C2CD3: variants seen among roughly 807,000 people sequenced by gnomAD.
C2CD3 encodes the protein C2 domain-containing protein 3.
A neutral mutation model predicts 234.0 loss-of-function variants in C2CD3; 148 were observed. That is an observed-to-expected ratio of 0.63 (90% CI 0.55 to 0.72). The LOEUF (loss-of-function observed/expected upper bound fraction) is 0.72, where lower values mean the gene tolerates loss of function less well. Ranked by LOEUF, C2CD3 falls within the 30% of genes least tolerant of loss-of-function variation. The pLI is 0.00. For missense variants in C2CD3, 2,577 were observed against 2,811.5 expected (o/e 0.92, Z 1.89); for synonymous variants, 1,000 against 1,035.4 (o/e 0.97, Z 0.66).
At chr11:74,123,985 C>T (rs1454956093) in intron 7 of C2CD3, among the ~76,000 whole-genome samples, 1 of 152,112 alleles carries the variant, frequency 6.6e-6, no homozygotes, top group Non-Finnish European at 1.5e-5. Flanking sequence ...CCCACCTTGG[C>T]CTCCCAAAGT....
At chr11:74,123,196 C>T in intron 7 of C2CD3, 61 bp from the exon 8 acceptor site, 7 of 1,267,984 alleles carry the variant, frequency 5.5e-6, no homozygotes, top group Non-Finnish European at 7.8e-6. Flanking sequence ...GAACTATTCT[C>T]TCTTTAGTGA....
At chr11:74,104,668 A>T (rs1527302) in intron 13 of C2CD3, among the ~76,000 whole-genome samples, 31,332 of 152,048 alleles carry the variant, frequency 0.21, 3,387 homozygotes, top group East Asian at 0.3. Flanking sequence ...AGAAAAGGGA[A>T]GCAGGATAAA....
intron 20 of C2CD3, among the ~76,000 whole-genome samples, chr11:74,086,971 ACTCTGG>A (rs1269032606): frequency 6.6e-6 from 1 of 152,074 alleles, no homozygotes; most frequent in Admixed American, 6.6e-5. Flanking sequence ...TTACCATGTG[ACTCTGG>A]ATAAGTTATT....
In C2CD3 at chr11:74,118,400, C is replaced by T. The variant is rs1441691034; in HGVS notation, c.1366-18G>A. 6.2e-7 allele frequency: 1 copy of T among 1,603,882 alleles called. No homozygotes were observed. Among genetic ancestry groups the T allele is most frequent in the Non-Finnish European group, 8.5e-7 (1 of 1,171,790 alleles). On this transcript the variant is annotated intron_variant, in intron 8 of 32. Coordinates refer to ENST00000334126, the MANE Select transcript of C2CD3 (RefSeq NM_001286577.2). ...TCAGATTTCTATGGAGAGGAAGAAA[C>T]AGAGACACTAAATGACTGCTGCTTT... is the stretch of plus-strand genomic sequence containing the variant.
chr11:74,164,363 G>A (rs1009086616), intron 2 of C2CD3: 5 of 330,612 alleles, frequency 1.5e-5, no homozygotes, highest in South Asian at 1.2e-4. Flanking sequence ...AGAATAAAAC[G>A]TAAAGGAAGA....
rs1952808485 is a variant in C2CD3, at chr11:74,037,695, C to A, written c.5664G>T (p.Lys1888Asn). ...GAATCTGATCAAGCTCACTCAGATT[C>A]TTCCTATAAACAAAAGGGGGAGAAG... is the stretch of plus-strand genomic sequence containing the variant. ...SQTSILTSLR[K>N]NLSELDQIQR... Residue 1888 changes from lysine (K) to asparagine (N), a missense_variant, in exon 30 of 33, where the codon AAG becomes AAT. By Grantham distance (94) the Lys-to-Asn change is moderately conservative (BLOSUM62 0). Transcript: ENST00000334126. The A allele has an allele frequency of 6.2e-7, 1 of 1,611,888 alleles. No individual in the cohort carries two copies. The highest frequency in any genetic ancestry group is 1.1e-5 in the South Asian group (1 of 90,960).
At chr11:74,119,902 C>T (rs1301180586) in intron 8 of C2CD3, among the ~76,000 whole-genome samples, 1 of 152,080 alleles carries the variant, frequency 6.6e-6, no homozygotes, top group Non-Finnish European at 1.5e-5. Flanking sequence ...TCCTGAAGTG[C>T]TGGGATTACA....
Position 74,033,687 on chromosome 11 carries a change from G to A in C2CD3, c.6473C>T (p.Ala2158Val), listed in dbSNP as rs1565211499. 1 of 1,536,232 alleles carries A rather than the reference G, an allele frequency of 6.5e-7. No individual in the cohort carries two copies. Among genetic ancestry groups the A allele is most frequent in the Middle Eastern group, 1.7e-4 (1 of 5,992 alleles). ...CTCGCCACCAACCCTGGCCTTAGAG[G>A]CCTCACACTCACAAGCAACAAGACT... ...SQSLVACECE[A>V]SKARVGGESA... The change falls in exon 31 of 33, where the codon GCC becomes GTC. Residue 2158 changes from alanine to valine, a missense_variant. Ala to Val is a moderately conservative substitution (Grantham distance 64, BLOSUM62 0). Transcript: ENST00000334126.
At chr11:74,146,005 G>GAT (rs1206235634) in intron 3 of C2CD3, among the ~76,000 whole-genome samples, 1 of 152,174 alleles carries the variant, frequency 6.6e-6, no homozygotes, top group Non-Finnish European at 1.5e-5. Context: ...ATACAAACAA[G>GAT]ATATGACTGT....
chr11:74,133,671 G>A, intron 5 of C2CD3, 114 bp from the exon 6 acceptor site: 3 of 1,068,334 alleles, frequency 2.8e-6, no homozygotes, highest in Admixed American at 2.3e-5. Context: ...GTAATAGTTT[G>A]CTCATCTGCC....
chr11:74,157,636 T>C (rs1385561043), intron 3 of C2CD3, among the ~76,000 whole-genome samples: 1 of 152,210 alleles, frequency 6.6e-6, no homozygotes, highest in Non-Finnish European at 1.5e-5. Flanking sequence ...TAGATGTTTT[T>C]TCCTTATCCT....
chr11:74,154,611 T>C (rs1855889101), intron 3 of C2CD3, among the ~76,000 whole-genome samples: 1 of 152,206 alleles, frequency 6.6e-6, no homozygotes. Flanking sequence ...CATTTTCCTA[T>C]GAATAGGCCA....
At chr11:74,162,764 A>T (rs117970483) in intron 2 of C2CD3, among the ~76,000 whole-genome samples, 2,830 of 152,322 alleles carry the variant, frequency 0.019, 46 homozygotes, top group Middle Eastern at 0.031. Context: ...TGTATTTGCC[A>T]ATAACTCAGG....
At chr11:74,141,215 C>T (rs1958037745) in intron 3 of C2CD3, among the ~76,000 whole-genome samples, 1 of 152,174 alleles carries the variant, frequency 6.6e-6, no homozygotes, top group South Asian at 2.1e-4. Flanking sequence ...GGCACAAACT[C>T]AATAAAACAT....
chr11:74,082,591 T>C (rs947840143), intron 22 of C2CD3, among the ~76,000 whole-genome samples: 1 of 152,210 alleles, frequency 6.6e-6, no homozygotes, highest in Non-Finnish European at 1.5e-5. Flanking sequence ...TTATGTTTAT[T>C]GATTTGCATA....
At chr11:74,118,161 T>C in intron 9 of C2CD3, 67 bp downstream of exon 9, 1 of 1,318,838 alleles carries the variant, frequency 7.6e-7, no homozygotes, top group Non-Finnish European at 1.1e-6. Flanking sequence ...TCATTTCACC[T>C]TGGGAGATCT....
chr11:74,133,052 G>A, intron 6 of C2CD3, 80 bp from the exon 7 acceptor site: 1 of 1,371,762 alleles, frequency 7.3e-7, no homozygotes, highest in Non-Finnish European at 1.0e-6. Context: ...CGTACATGCA[G>A]CTGGTCTGAC....
chr11:74,085,718 G>T lies in C2CD3; in HGVS notation c.3810C>A (p.Asn1270Lys), dbSNP rs771446581. The T allele has an allele frequency of 6.2e-6, 10 of 1,614,162 alleles. No individual in the cohort carries two copies. Among genetic ancestry groups the T allele is most frequent in the Non-Finnish European group, 7.6e-6 (9 of 1,180,038 alleles). ...EFSHHVEFTC[N>K]LVTQHCSGEA... is the part of the protein sequence containing the mutation. Reference sequence around the variant, plus strand: ...CTCCACTACAGTGCTGAGTCACCAAGTTACATGTGAACTCAACGTGATGGG... The same window carrying T: ...CTCCACTACAGTGCTGAGTCACCAATTTACATGTGAACTCAACGTGATGGG... Residue 1270 changes from asparagine to lysine, a missense_variant, in exon 21 of 33, where the codon AAC becomes AAA. Transcript: ENST00000334126.
intron 12 of C2CD3, among the ~76,000 whole-genome samples, chr11:74,107,310 A>C (rs542593662): frequency 1.3e-5 from 2 of 148,400 alleles, no homozygotes; most frequent in Non-Finnish European, 1.5e-5. Context: ...GGGCAACAAG[A>C]ATGAAACTGT....
Sources: allele counts gnomAD v4.1 joint callset (sites outside exome capture counted in the v4.1 genomes callset), GRCh38; gene constraint gnomAD v4.1.1; transcripts MANE v1.5; gene names NCBI Gene and HGNC (gene_info 2026-07-23, HGNC 2026-07-21).